The following GALNT2 variants were observed in gnomAD, a reference collection of about 807,000 sequenced individuals.
GALNT2 encodes the protein UDP-GalNAc:polypeptide N-acetylgalactosaminyltransferase 2.
GALNT2 carries 31 observed loss-of-function variants against 81.4 expected under a neutral mutation model. That is an observed-to-expected ratio of 0.38 (90% CI 0.29 to 0.51). The LOEUF (loss-of-function observed/expected upper bound fraction) is 0.51, where lower values mean the gene tolerates loss of function less well. GALNT2 is among the 20% of genes least tolerant of loss of function. GALNT2 has a pLI of 0.87. For missense variants in GALNT2, 629 were observed against 765.7 expected, an observed-to-expected ratio of 0.82 and a Z score of 2.11; for synonymous variants, 303 against 287.4, an observed-to-expected ratio of 1.05 and a Z score of -0.55.
chr1:230,219,953 T>C (rs909640494), intron 3 of GALNT2, among the ~76,000 whole-genome samples: 3 of 152,182 alleles, frequency 2.0e-5, no homozygotes, highest in Admixed American at 2.0e-4. Flanking sequence ...TTTCTCCAGG[T>C]ATTTCGTAAG....
chr1:230,190,635 C>T (rs1316822194), intron 2 of GALNT2, among the ~76,000 whole-genome samples: 1 of 152,182 alleles, frequency 6.6e-6, no homozygotes, highest in Non-Finnish European at 1.5e-5. Context: ...GATCGGGGGC[C>T]ACCCTCCTCT....
chr1:230,134,993 G>C (rs1235606248), intron 1 of GALNT2, among the ~76,000 whole-genome samples: 1 of 152,212 alleles, frequency 6.6e-6, no homozygotes, highest in Non-Finnish European at 1.5e-5. Flanking sequence ...TAAATGAGAG[G>C]AAGTATCTGA....
Position 230,252,560 on chromosome 1 carries a change from G to T in GALNT2, c.1009+2000G>T, listed in dbSNP as rs115797248. On this transcript the variant is annotated intron_variant, in intron 10 of 15. Coordinates refer to ENST00000366672, the MANE Select transcript of GALNT2 (RefSeq NM_004481.5). ...TGCAGAGGTCATGACACCTTGCCCA[G>T]GGTCTCAGAACCAAGATGTAAACAC... Among the ~76,000 whole-genome samples the T allele has an allele frequency of 6.6e-3, 1,005 of 152,186 alleles. 8 individuals are homozygous for T. The highest frequency in any genetic ancestry group is 0.01 in the Non-Finnish European group (705 of 68,010).
At chr1:230,196,309 A>G (rs1572074366) in intron 2 of GALNT2, among the ~76,000 whole-genome samples, 1 of 152,128 alleles carries the variant, frequency 6.6e-6, no homozygotes, top group African/African-American at 2.4e-5. Context: ...GCTTTCTTGG[A>G]ACCTTGGCTT....
chr1:230,070,079 C>T lies in GALNT2; in HGVS notation c.126+2673C>T, dbSNP rs1659327717. 6.6e-6 allele frequency among the ~76,000 whole-genome samples: 1 copy of T among 152,188 alleles called. No homozygotes were observed. The highest frequency in any genetic ancestry group is 1.5e-5 in the Non-Finnish European group (1 of 68,036). On this transcript the variant is annotated intron_variant, in intron 1 of 15. Transcript: ENST00000366672. The surrounding 1 kb of genome is among the most constrained non-coding windows in gnomAD (Gnocchi z 4.7). ...GGCAAAACCCAGAGAGCCAGCTCAC[C>T]TCAGATTGCAGGTTTAGTAAACTAA...
At chr1:230,208,737 G>A (rs1302521194) in intron 3 of GALNT2, among the ~76,000 whole-genome samples, 1 of 152,218 alleles carries the variant, frequency 6.6e-6, no homozygotes, top group African/African-American at 2.4e-5. Context: ...CCCGTGATCA[G>A]GAGATATAAT....
intron 1 of GALNT2, among the ~76,000 whole-genome samples, chr1:230,084,017 T>C (rs925999600): frequency 2.0e-5 from 3 of 152,054 alleles, no homozygotes; most frequent in Non-Finnish European, 4.4e-5. Context: ...AAGGTGAGGG[T>C]CTGCACTTCC....
chr1:230,087,608 A>G (rs1372781490), intron 1 of GALNT2, among the ~76,000 whole-genome samples: 1 of 152,168 alleles, frequency 6.6e-6, no homozygotes, highest in Non-Finnish European at 1.5e-5. Flanking sequence ...TGTGGGGCCC[A>G]AGTGTGTTTT....
intron 1 of GALNT2, among the ~76,000 whole-genome samples, chr1:230,175,343 A>T (rs1238751465): frequency 6.6e-6 from 1 of 152,238 alleles, no homozygotes; most frequent in Non-Finnish European, 1.5e-5. Flanking sequence ...CATAAACTCC[A>T]GCCCTGAGCT....
upstream of GALNT2, among the ~76,000 whole-genome samples, chr1:230,064,673 G>A (rs1046034985): frequency 1.3e-5 from 2 of 152,072 alleles, no homozygotes; most frequent in South Asian, 4.1e-4. Context: ...GGCACCTGCC[G>A]GCTAAGTTTC....
At chr1:230,172,386 G>A (rs1662822449) in intron 1 of GALNT2, among the ~76,000 whole-genome samples, 1 of 152,186 alleles carries the variant, frequency 6.6e-6, no homozygotes. Flanking sequence ...CAGCAGCCCT[G>A]GCCGAAATCT....
At chr1:230,071,693 A>C (rs1326532436) in intron 1 of GALNT2, among the ~76,000 whole-genome samples, 1 of 152,148 alleles carries the variant, frequency 6.6e-6, no homozygotes, top group Non-Finnish European at 1.5e-5. Flanking sequence ...ATCAGTTTGG[A>C]GTTTAAAGAA....
intron 1 of GALNT2, among the ~76,000 whole-genome samples, chr1:230,143,401 G>A (rs544306820): frequency 7.9e-4 from 121 of 152,342 alleles, no homozygotes; most frequent in African/African-American, 2.6e-3. Flanking sequence ...GAGCAGAAGA[G>A]CAGAAGCAGC....
intron 1 of GALNT2, among the ~76,000 whole-genome samples, chr1:230,134,458 C>G (rs1661472554): frequency 6.6e-6 from 1 of 152,152 alleles, no homozygotes; most frequent in Admixed American, 6.5e-5. Flanking sequence ...TCCCCTTCCC[C>G]CAATTCCTAA....
At position 230,070,053 on chromosome 1, in the gene GALNT2, T is replaced by G. The variant is rs1659327205; in HGVS notation, c.126+2647T>G. On this transcript the variant is annotated intron_variant, in intron 1 of 15. Coordinates refer to ENST00000366672, the MANE Select transcript of GALNT2 (RefSeq NM_004481.5). The surrounding 1 kb of genome is among the most constrained non-coding windows in gnomAD (Gnocchi z 4.7). ...CATCACAGAACTGTTATTCTCCACTTGGCAAAACCCAGAGAGCCAGCTCAC... is the reference window on the plus strand; with the variant it reads ...CATCACAGAACTGTTATTCTCCACTGGGCAAAACCCAGAGAGCCAGCTCAC... Among the ~76,000 whole-genome samples, 1 of 152,168 alleles carries G rather than the reference T, an allele frequency of 6.6e-6. No individual in the cohort carries two copies. The highest frequency in any genetic ancestry group is 1.5e-5 in the Non-Finnish European group (1 of 68,036).
chr1:230,180,459 C>T (rs1318716303), intron 2 of GALNT2, among the ~76,000 whole-genome samples: 1 of 151,986 alleles, frequency 6.6e-6, no homozygotes, highest in Admixed American at 6.6e-5. Flanking sequence ...TTATTTGCTT[C>T]CATTGGTCTA....
intron 1 of GALNT2, among the ~76,000 whole-genome samples, chr1:230,100,574 C>G (rs1454308351): frequency 1.3e-5 from 2 of 152,204 alleles, no homozygotes; most frequent in African/African-American, 2.4e-5. Flanking sequence ...GATCTGCCCG[C>G]CTCGGCCTCC....
intron 1 of GALNT2, among the ~76,000 whole-genome samples, chr1:230,163,166 AC>A (rs1659207516): frequency 1.2e-4 from 2 of 16,166 alleles, no homozygotes; most frequent in Non-Finnish European, 2.5e-4. Flanking sequence ...CCGCATTAAA[AC>A]AACAACAACA....
At chr1:230,186,783 C>T (rs1663350132) in intron 2 of GALNT2, among the ~76,000 whole-genome samples, 2 of 152,192 alleles carry the variant, frequency 1.3e-5, no homozygotes, top group African/African-American at 4.8e-5. Flanking sequence ...TACTGATTTG[C>T]CTCTCTTTTG....
Sources: gnomAD v4.1 joint callset for allele counts (sites outside exome capture counted in the v4.1 genomes callset) on GRCh38, gnomAD v4.1.1 for gene constraint, Gnocchi (gnomAD v3.1) non-coding constraint, MANE v1.5 for transcripts, NCBI Gene and HGNC (gene_info 2026-07-23, HGNC 2026-07-21) for gene names.